The following TFDP1 variants were observed in gnomAD, a reference collection of about 807,000 sequenced individuals.
The protein encoded by TFDP1 is transcription factor Dp-1.
TFDP1 carries 6 observed loss-of-function variants against 48.0 expected under a neutral mutation model. That is an observed-to-expected ratio of 0.13 (90% CI 0.07 to 0.25). The LOEUF is 0.25. Ranked by LOEUF, TFDP1 falls within the 10% of genes least tolerant of loss-of-function variation. The pLI is 1.00. For missense variants in TFDP1, 335 were observed against 543.0 expected, an observed-to-expected ratio of 0.62 and a Z score of 3.81; for synonymous variants, 201 against 211.6, an observed-to-expected ratio of 0.95 and a Z score of 0.44.
At chr13:113,639,374 C>A (rs908145311) in intron 11 of TFDP1, among the ~76,000 whole-genome samples, 1 of 152,140 alleles carries the variant, frequency 6.6e-6, no homozygotes, top group Non-Finnish European at 1.5e-5. Context: ...TTCATAGTGG[C>A]ATGATGAGAC....
In TFDP1 at chr13:113,640,288, C is replaced by A; in HGVS notation, c.*21C>A. The A allele has an allele frequency of 6.2e-7, 1 of 1,602,442 alleles. No individual in the cohort carries two copies. Among genetic ancestry groups the A allele is most frequent in the South Asian group, 1.1e-5 (1 of 89,186 alleles). ...ACTGACGTCCTCCCCACTTCAGATTCGGCTTCAGGAAAACGTTTAGCGAAA... is the reference window on the plus strand; with the variant it reads ...ACTGACGTCCTCCCCACTTCAGATTAGGCTTCAGGAAAACGTTTAGCGAAA... On this transcript the variant is annotated 3_prime_UTR_variant, in exon 12 of 12. Coordinates refer to ENST00000375370, the MANE Select transcript of TFDP1 (RefSeq NM_007111.5).
chr13:113,587,338 T>G (rs1311841579), intron 2 of TFDP1, among the ~76,000 whole-genome samples: 1 of 151,600 alleles, frequency 6.6e-6, no homozygotes. Context: ...GTGATCTGAG[T>G]TGGGGGTTGG....
intron 4 of TFDP1, among the ~76,000 whole-genome samples, chr13:113,628,685 G>A (rs372371813): frequency 1.3e-5 from 2 of 152,216 alleles, no homozygotes; most frequent in African/African-American, 4.8e-5. Flanking sequence ...TCCAGCTAGC[G>A]TGGCCACTGC....
intron 2 of TFDP1, among the ~76,000 whole-genome samples, chr13:113,597,214 A>G (rs769064009): frequency 5.9e-5 from 9 of 152,264 alleles, no homozygotes; most frequent in Non-Finnish European, 1.2e-4. Context: ...GGAAAAGAGT[A>G]TAATGTAAAA....
intron 2 of TFDP1, among the ~76,000 whole-genome samples, chr13:113,594,214 T>G (rs1217478102): frequency 1.6e-4 from 20 of 126,966 alleles, no homozygotes; most frequent in African/African-American, 5.9e-4. Flanking sequence ...AGGTGACAGG[T>G]GTGGTGTACA....
chr13:113,630,003 C>T (rs771219679), intron 4 of TFDP1, among the ~76,000 whole-genome samples: 1 of 152,168 alleles, frequency 6.6e-6, no homozygotes. Flanking sequence ...GTGGAGCTGG[C>T]GGGTTCTCAG....
At chr13:113,586,803 TC>T (rs1262203255) in intron 2 of TFDP1, among the ~76,000 whole-genome samples, 6 of 152,180 alleles carry the variant, frequency 3.9e-5, no homozygotes, top group Admixed American at 2.6e-4. Flanking sequence ...AGCACTGGGG[TC>T]CCCTTTAGAG....
intron 3 of TFDP1, among the ~76,000 whole-genome samples, chr13:113,612,116 G>A (rs898372806): frequency 6.6e-6 from 1 of 152,306 alleles, no homozygotes; most frequent in Non-Finnish European, 1.5e-5. Flanking sequence ...TGGTGACCAG[G>A]CCCCCACCTC....
rs2049221825 is a variant in TFDP1 at position 113,627,743 on chromosome 13, A to G, written c.187-3880A>G. Among the ~76,000 whole-genome samples, 1 of 147,298 alleles carries G rather than the reference A, an allele frequency of 6.8e-6. No individual in the cohort carries two copies. The highest frequency in any genetic ancestry group is 2.7e-5 in the African/African-American group (1 of 36,860). On this transcript the variant is annotated intron_variant, in intron 4 of 11. Transcript: ENST00000375370. This position sits in a 1 kb window ranked among gnomAD's most constrained non-coding sequence, Gnocchi z 4.1. Reference sequence around the variant, plus strand: ...GAGCGCAAACCCCACTGTGAACGGCACATGCAGGATCTAGGTGGCACTCCG... The same window carrying G: ...GAGCGCAAACCCCACTGTGAACGGCGCATGCAGGATCTAGGTGGCACTCCG...
rs1048376920 is a variant in TFDP1, at chr13:113,633,536, C to T, written c.474+251C>T. ...AAAACCATACAGAAAATGCCAAGTA[C>T]AGCATAAAAGAATTTTTCCGATCCA... On this transcript the variant is annotated intron_variant, in intron 6 of 11. Coordinates refer to ENST00000375370, the MANE Select transcript of TFDP1 (RefSeq NM_007111.5). The surrounding 1 kb of genome is among the most constrained non-coding windows in gnomAD (Gnocchi z 4.5). Among the ~76,000 whole-genome samples, 18 of 152,180 alleles carry T rather than the reference C, an allele frequency of 1.2e-4. No homozygotes were observed. Among genetic ancestry groups the T allele is most frequent in the Non-Finnish European group, 2.5e-4 (17 of 68,042 alleles).
intron 2 of TFDP1, among the ~76,000 whole-genome samples, chr13:113,590,388 C>T (rs1247082038): frequency 6.6e-6 from 1 of 152,166 alleles, no homozygotes; most frequent in Non-Finnish European, 1.5e-5. Flanking sequence ...AAGGGTCTAC[C>T]ACCAGGTGTC....
chr13:113,589,175 C>G (rs2048080138), intron 2 of TFDP1, among the ~76,000 whole-genome samples: 1 of 152,126 alleles, frequency 6.6e-6, no homozygotes, highest in Non-Finnish European at 1.5e-5. Context: ...TGTTGTCTTG[C>G]TCAGGGACTT....
intron 2 of TFDP1, among the ~76,000 whole-genome samples, chr13:113,589,578 A>C (rs2048090323): frequency 6.6e-6 from 1 of 152,212 alleles, no homozygotes; most frequent in African/African-American, 2.4e-5. Context: ...CCTCCGCCTC[A>C]GGGCCTAGGG....
intron 2 of TFDP1, among the ~76,000 whole-genome samples, chr13:113,600,217 C>A (rs889562943): frequency 6.7e-6 from 1 of 149,548 alleles, no homozygotes; most frequent in Admixed American, 6.7e-5. Flanking sequence ...TGAGAGAGAA[C>A]CCTCGTGCTT....
intron 2 of TFDP1, among the ~76,000 whole-genome samples, chr13:113,604,781 C>T (rs2048524226): frequency 1.3e-5 from 2 of 152,324 alleles, no homozygotes; most frequent in South Asian, 4.1e-4. Flanking sequence ...AGGCGGTCAC[C>T]CCACATACAG....
chr13:113,637,515 G>A (rs2049522591), intron 10 of TFDP1: 6 of 1,169,034 alleles, frequency 5.1e-6, no homozygotes, highest in Admixed American at 5.4e-5. Context: ...ACTTTGATTC[G>A]GTTCCGTTTC....
In TFDP1 at chr13:113,584,879, G is replaced by A. The variant is rs2047956490; in HGVS notation, c.-74G>A. The A allele has an allele frequency of 1.4e-5, 2 of 145,870 alleles. No homozygotes were observed. Among genetic ancestry groups the A allele is most frequent in the South Asian group, 4.2e-4 (2 of 4,784 alleles). 9.0% of individuals were successfully genotyped at this position (145,870 alleles called of 1,614,324 possible). ...GCGTCCCCGCCCGCGCGGCCGGACC[G>A]GGCAGCCAGGTGCGGGTGGGCAGGG... On this transcript the variant is annotated 5_prime_UTR_variant, in exon 1 of 12. Transcript: ENST00000375370.
intron 2 of TFDP1, among the ~76,000 whole-genome samples, chr13:113,601,371 C>CTGCTGGTGGGATCCCGCTCCTTGTGGAT (rs1566643514): frequency 2.6e-5 from 4 of 152,250 alleles, no homozygotes; most frequent in African/African-American, 9.6e-5. Flanking sequence ...TCCTTGTGGG[C>CTGCTGGTGGGATCCCGCTCCTTGTGGAT]TGTTGGTGGG....
intron 8 of TFDP1, among the ~76,000 whole-genome samples, chr13:113,635,018 A>G (rs2049446701): frequency 6.6e-6 from 1 of 152,224 alleles, no homozygotes; most frequent in South Asian, 2.1e-4. Context: ...CAAAAGCAAC[A>G]TTTGAAAAAT....
Sources: gnomAD v4.1 joint callset for allele counts (sites outside exome capture counted in the v4.1 genomes callset) on GRCh38, gnomAD v4.1.1 for gene constraint, Gnocchi (gnomAD v3.1) non-coding constraint, MANE v1.5 for transcripts, NCBI Gene and HGNC (gene_info 2026-07-23, HGNC 2026-07-21) for gene names.